The following LINC01488 variants were observed in gnomAD, a reference collection of about 807,000 sequenced individuals.
LINC01488 encodes the protein long independently transcribed non-coding RNA 1488.
chr11:69,492,787 C>A (rs1221233122), exon 4 of LINC01488: 1 of 152,232 alleles, frequency 6.6e-6, no homozygotes, highest in Non-Finnish European at 1.5e-5. Context: ...ACCTGCTGAC[C>A]TCTGAGCTCA....
chr11:69,486,938 C>A (rs997631457), intron 1 of LINC01488, among the ~76,000 whole-genome samples: 1 of 152,160 alleles, frequency 6.6e-6, no homozygotes, highest in Non-Finnish European at 1.5e-5. Context: ...AGGTCCCCTC[C>A]GGGCCCAGAG....
chr11:69,488,661 T>C (rs1857164524), intron 1 of LINC01488, among the ~76,000 whole-genome samples: 1 of 152,200 alleles, frequency 6.6e-6, no homozygotes, highest in African/African-American at 2.4e-5. Flanking sequence ...TGCTTGCCCA[T>C]CAGAGCCCCG....
chr11:69,481,875 A>C (rs1857051270), intron 1 of LINC01488: 1 of 151,946 alleles, frequency 6.6e-6, no homozygotes, highest in African/African-American at 2.4e-5. Context: ...GAGTAGATGG[A>C]CGGGTGGATG....
intron 1 of LINC01488, among the ~76,000 whole-genome samples, chr11:69,489,039 G>T (rs540049874): frequency 3.9e-5 from 6 of 152,202 alleles, no homozygotes; most frequent in African/African-American, 7.2e-5. Context: ...TGTAGATAAG[G>T]CTTCAGAAAG....
chr11:69,483,950 C>G (rs1857075526), intron 1 of LINC01488, among the ~76,000 whole-genome samples: 1 of 152,198 alleles, frequency 6.6e-6, no homozygotes, highest in African/African-American at 2.4e-5. Context: ...GCAGCCGAGC[C>G]AAGGGCCCCG....
At chr11:69,487,610 C>T (rs1023357527) in intron 1 of LINC01488, among the ~76,000 whole-genome samples, 2 of 152,150 alleles carry the variant, frequency 1.3e-5, no homozygotes, top group Admixed American at 1.3e-4. Flanking sequence ...GCTGGGCCTC[C>T]CTGTGGCTGA....
At chr11:69,485,133 C>T (rs1857093996) in intron 1 of LINC01488, among the ~76,000 whole-genome samples, 1 of 152,188 alleles carries the variant, frequency 6.6e-6, no homozygotes, top group Non-Finnish European at 1.5e-5. Context: ...AGGTCAGGTG[C>T]TTTGCAGGCT....
At chr11:69,482,508 GTGGATGGACGGATGGATGAA>G (rs1316942143) in intron 1 of LINC01488, among the ~76,000 whole-genome samples, 1 of 151,770 alleles carries the variant, frequency 6.6e-6, no homozygotes, top group Non-Finnish European at 1.5e-5. Context: ...GAATGGATGA[GTGGATGGACGGATGGATGAA>G]TGGATGGATG....
intron 3 of LINC01488, chr11:69,491,764 C>T (rs1418715269): frequency 1.3e-5 from 2 of 152,564 alleles, no homozygotes; most frequent in African/African-American, 2.4e-5. Context: ...AGGCAGAACC[C>T]CTGCCCCATG....
Position 69,482,715 on chromosome 11 carries a change from A to C in LINC01488, n.122+932A>C, listed in dbSNP as rs75826877. Among the ~76,000 whole-genome samples the C allele has an allele frequency of 3.5e-3, 540 of 152,366 alleles. 4 individuals are homozygous for C. Among genetic ancestry groups the C allele is most frequent in the African/African-American group, 0.012 (497 of 41,586 alleles). Reference sequence around the variant, plus strand: ...CATTGATTGATTTATATAGTTTGTCATACCAGAAAGTTCTGCAGACTGGAC... The same window carrying C: ...CATTGATTGATTTATATAGTTTGTCCTACCAGAAAGTTCTGCAGACTGGAC... On this transcript the variant is annotated intron_variant and non_coding_transcript_variant, in intron 1 of 3. Transcript: ENST00000644563.
At chr11:69,491,412 C>G (rs1432582933) in exon 3 of LINC01488, 1 of 152,310 alleles carries the variant, frequency 6.6e-6, no homozygotes, top group Non-Finnish European at 1.5e-5. Context: ...ATCCACACAT[C>G]CTTGACCAGA....
At chr11:69,487,048 G>A (rs1425366427) in intron 1 of LINC01488, among the ~76,000 whole-genome samples, 4 of 152,234 alleles carry the variant, frequency 2.6e-5, no homozygotes, top group South Asian at 2.1e-4. Flanking sequence ...CTGCCAGCGC[G>A]GCCCAGCCAA....
At chr11:69,487,144 C>G (rs1180432022) in intron 1 of LINC01488, among the ~76,000 whole-genome samples, 1 of 152,220 alleles carries the variant, frequency 6.6e-6, no homozygotes, top group Non-Finnish European at 1.5e-5. Context: ...TAAATGAAAA[C>G]AGGGCAGGAA....
At chr11:69,493,001 C>T (rs1400244876) in exon 4 of LINC01488, 1 of 152,294 alleles carries the variant, frequency 6.6e-6, no homozygotes, top group Non-Finnish European at 1.5e-5. Context: ...AGTCCCTCAC[C>T]TGCCACACAG....
At chr11:69,486,970 G>T (rs537359338) in intron 1 of LINC01488, among the ~76,000 whole-genome samples, 1 of 152,194 alleles carries the variant, frequency 6.6e-6, no homozygotes, top group South Asian at 2.1e-4. Flanking sequence ...CCTCTTTCGC[G>T]TTAACCCGAA....
chr11:69,487,588 G>C (rs773771331), intron 1 of LINC01488, among the ~76,000 whole-genome samples: 2 of 152,176 alleles, frequency 1.3e-5, no homozygotes, highest in Non-Finnish European at 2.9e-5. Flanking sequence ...CCTGTTCCCC[G>C]TCGGTCATGG....
intron 1 of LINC01488, among the ~76,000 whole-genome samples, chr11:69,488,473 T>C (rs1013451728): frequency 6.6e-6 from 1 of 152,194 alleles, no homozygotes; most frequent in Admixed American, 6.5e-5. Context: ...CAGCTGCTCC[T>C]CTGAGCCCCC....
At chr11:69,484,720 C>A (rs1290782169) in intron 1 of LINC01488, among the ~76,000 whole-genome samples, 1 of 152,246 alleles carries the variant, frequency 6.6e-6, no homozygotes, top group Non-Finnish European at 1.5e-5. Context: ...TGCTGTTGGG[C>A]AGCAATCAGC....
chr11:69,484,057 G>A (rs1421316955), intron 1 of LINC01488, among the ~76,000 whole-genome samples: 2 of 152,236 alleles, frequency 1.3e-5, no homozygotes, highest in African/African-American at 2.4e-5. Flanking sequence ...TCCCAGCTGC[G>A]AAGTAAAGGG....
Sources: allele counts gnomAD v4.1 joint callset (sites outside exome capture counted in the v4.1 genomes callset), GRCh38; gene constraint gnomAD v4.1.1; transcripts MANE v1.5; gene names NCBI Gene and HGNC (gene_info 2026-07-23, HGNC 2026-07-21).